Variants in FARS2 observed in about 807,000 individuals in gnomAD.
FARS2 encodes the protein phenylalanyl-tRNA synthetase 2, mitochondrial.
Under a neutral mutation model 46.4 loss-of-function variants are expected in FARS2, and 40 were observed. That is an observed-to-expected ratio of 0.86 (90% CI 0.67 to 1.12). The LOEUF is 1.12. Ranked by LOEUF, FARS2 falls within the 50% of genes most tolerant of loss-of-function variation. The pLI, the probability that FARS2 is intolerant of heterozygous loss-of-function variation, is 0.00. For missense variants in FARS2, 513 were observed against 567.9 expected (o/e 0.90, Z 0.98); for synonymous variants, 234 against 214.9 (o/e 1.09, Z -0.78).
chr6:5,611,612 T>G (rs1029236310), intron 5 of FARS2, among the ~76,000 whole-genome samples: 3 of 152,244 alleles, frequency 2.0e-5, no homozygotes, highest in African/African-American at 7.2e-5. Flanking sequence ...ATTAAACTTT[T>G]TATATTTTTT....
rs1321713484 is a variant in FARS2 at position 5,470,681 on chromosome 6, CT to C, written c.904+39510del. 3.9e-5 allele frequency among the ~76,000 whole-genome samples: 6 copies of C among 152,154 alleles called. No individual in the cohort carries two copies. The East Asian group carries it at 1.2e-3, about 29-fold the overall frequency. ...ATAGCGCATGGGACTGGGTTTGTTG[CT>C]ACTAAACTGAAAAACAAAGTTGGAA... On this transcript the variant is annotated intron_variant, in intron 4 of 6. Transcript: ENST00000274680.
intron 4 of FARS2, among the ~76,000 whole-genome samples, chr6:5,500,163 A>C (rs1767705026): frequency 6.6e-6 from 1 of 152,068 alleles, no homozygotes; most frequent in African/African-American, 2.4e-5. Context: ...GTTCTCTATT[A>C]TTTCATTGTG....
chr6:5,367,104 A>T (rs1199055869), intron 1 of FARS2, among the ~76,000 whole-genome samples: 1 of 152,266 alleles, frequency 6.6e-6, no homozygotes, highest in Non-Finnish European at 1.5e-5. Context: ...AATCACACAC[A>T]AGCACAGCCA....
At chr6:5,434,261 T>G (rs994077467) in intron 4 of FARS2, among the ~76,000 whole-genome samples, 1 of 151,996 alleles carries the variant, frequency 6.6e-6, no homozygotes, top group Non-Finnish European at 1.5e-5. Context: ...ACATGCACCC[T>G]CCACCACACC....
At chr6:5,753,520 G>A (rs558449578) in intron 6 of FARS2, among the ~76,000 whole-genome samples, 27 of 152,104 alleles carry the variant, frequency 1.8e-4, no homozygotes, top group South Asian at 1.0e-3. Flanking sequence ...TTAATGAATC[G>A]CAGAAATGAT....
At chr6:5,302,464 C>T (rs1393249679) in intron 1 of FARS2, among the ~76,000 whole-genome samples, 1 of 151,996 alleles carries the variant, frequency 6.6e-6, no homozygotes, top group East Asian at 1.9e-4. Context: ...TACCTCTGGC[C>T]TTGGGGAGTT....
chr6:5,677,081 G>A (rs1215046099), intron 6 of FARS2, among the ~76,000 whole-genome samples: 1 of 152,142 alleles, frequency 6.6e-6, no homozygotes, highest in Non-Finnish European at 1.5e-5. Context: ...TTAATTTCAT[G>A]AAATGTTATT....
intron 4 of FARS2, among the ~76,000 whole-genome samples, chr6:5,496,806 C>A (rs180943328): frequency 6.6e-6 from 1 of 152,250 alleles, no homozygotes; most frequent in East Asian, 1.9e-4. Context: ...TTAGGACTTT[C>A]ATATATGAAG....
At chr6:5,538,265 C>T (rs1463695452) in intron 4 of FARS2, among the ~76,000 whole-genome samples, 1 of 152,012 alleles carries the variant, frequency 6.6e-6, no homozygotes, top group Non-Finnish European at 1.5e-5. Flanking sequence ...GTTGACAGTA[C>T]CTTTAAGTGT....
chr6:5,449,344 C>A, intron 4 of FARS2, among the ~76,000 whole-genome samples: 1 of 114,598 alleles, frequency 8.7e-6, no homozygotes. Context: ...GTGAGTAAGA[C>A]TCCATCTCAA....
intron 4 of FARS2, among the ~76,000 whole-genome samples, chr6:5,510,970 A>C (rs1768415418): frequency 6.6e-6 from 1 of 152,168 alleles, no homozygotes; most frequent in South Asian, 2.1e-4. Flanking sequence ...CTCCCTCAGC[A>C]GGGCTTGCGG....
At chr6:5,676,947 A>G (rs922068936) in intron 6 of FARS2, among the ~76,000 whole-genome samples, 1 of 152,238 alleles carries the variant, frequency 6.6e-6, no homozygotes, top group African/African-American at 2.4e-5. Context: ...ACCACAGAGT[A>G]TAGTCATTCC....
chr6:5,370,645 C>G (rs1401588467), intron 2 of FARS2, among the ~76,000 whole-genome samples: 2 of 152,076 alleles, frequency 1.3e-5, no homozygotes, highest in Non-Finnish European at 2.9e-5. Flanking sequence ...GATTTGTAAG[C>G]CTGCATGCCA....
At chr6:5,725,523 G>C (rs1327592203) in intron 6 of FARS2, among the ~76,000 whole-genome samples, 1 of 152,244 alleles carries the variant, frequency 6.6e-6, no homozygotes, top group African/African-American at 2.4e-5. Flanking sequence ...TGGCCTCCCT[G>C]TGCCTCAGTT....
Position 5,645,948 on chromosome 6 carries a change from G to GT in FARS2, c.1217+32634dup, listed in dbSNP as rs202057828. ...TTCAAAGAGTGAGGCATTTTTACAT[G>GT]TTTTTTACTTAGTTTAACGGAGGTA... On this transcript the variant is annotated intron_variant, in intron 6 of 6. Transcript: ENST00000274680. Among the ~76,000 whole-genome samples, 1,109 of 152,310 alleles carry GT rather than the reference G, an allele frequency of 7.3e-3. 6 individuals are homozygous for GT. Among genetic ancestry groups the GT allele is most frequent in the Non-Finnish European group, 0.013 (886 of 68,016 alleles).
intron 6 of FARS2, among the ~76,000 whole-genome samples, chr6:5,719,436 A>AAGAAAGAG (rs371606274): frequency 0.26 from 6,593 of 25,248 alleles, 530 homozygotes; most frequent in African/African-American, 0.45. Flanking sequence ...AAAGAAAGGA[A>AAGAAAGAG]AGAAAGAGAG....
At chr6:5,304,100 T>C (rs954182921) in intron 1 of FARS2, among the ~76,000 whole-genome samples, 2 of 152,214 alleles carry the variant, frequency 1.3e-5, no homozygotes, top group Non-Finnish European at 2.9e-5. Flanking sequence ...GATTATCTTT[T>C]AATTATAGAG....
chr6:5,462,667 A>T (rs750364936), intron 4 of FARS2, among the ~76,000 whole-genome samples: 2 of 152,184 alleles, frequency 1.3e-5, no homozygotes, highest in Admixed American at 1.3e-4. Flanking sequence ...TTGCCTTGGT[A>T]TCTTTGTTGA....
At chr6:5,509,565 A>C (rs1768304786) in intron 4 of FARS2, among the ~76,000 whole-genome samples, 1 of 152,196 alleles carries the variant, frequency 6.6e-6, no homozygotes, top group Non-Finnish European at 1.5e-5. Context: ...TGGGTTCTTA[A>C]GGGTAAGGCG....
Sources: gnomAD v4.1 joint callset for allele counts (sites outside exome capture counted in the v4.1 genomes callset) on GRCh38, gnomAD v4.1.1 for gene constraint, MANE v1.5 for transcripts, NCBI Gene and HGNC (gene_info 2026-07-23, HGNC 2026-07-21) for gene names.